MAP3K20: variants seen among roughly 807,000 people sequenced by gnomAD.
MAP3K20 encodes mitogen-activated protein kinase kinase kinase 20.
MAP3K20 carries 40 observed loss-of-function variants against 85.7 expected under a neutral mutation model. The ratio of observed to expected loss-of-function variants is 0.47; its 90% CI spans 0.36 to 0.61. The LOEUF is 0.61. Among genes scored for constraint, MAP3K20 ranks in the 20% least tolerant of loss-of-function variants. The pLI, the probability that MAP3K20 is intolerant of heterozygous loss-of-function variation, is 0.00. For synonymous variants in MAP3K20, 325 were observed against 327.7 expected, an observed-to-expected ratio of 0.99 and a Z score of 0.09; for missense variants, 817 against 961.7, an observed-to-expected ratio of 0.85 and a Z score of 1.99.
chr2:173,098,863 G>T (rs1687542814), intron 2 of MAP3K20, among the ~76,000 whole-genome samples: 2 of 152,152 alleles, frequency 1.3e-5, no homozygotes, highest in Non-Finnish European at 2.9e-5. Flanking sequence ...CATCACCTGA[G>T]AATTTGTTAG....
chr2:173,183,056 G>A (rs1472210575), intron 4 of MAP3K20, 101 bp downstream of exon 4: 5 of 943,424 alleles, frequency 5.3e-6, no homozygotes, highest in Non-Finnish European at 7.9e-6. Context: ...GTCTTTAGAT[G>A]TTCTTTTTCC....
intron 2 of MAP3K20, among the ~76,000 whole-genome samples, chr2:173,118,739 G>T (rs1256130126): frequency 2.6e-5 from 4 of 152,138 alleles, no homozygotes; most frequent in African/African-American, 9.7e-5. Flanking sequence ...ATCATGATAG[G>T]TAACCATCAT....
intron 15 of MAP3K20, 79 bp downstream of exon 15, chr2:173,238,514 C>A: frequency 7.6e-7 from 1 of 1,321,976 alleles, no homozygotes; most frequent in Non-Finnish European, 1.1e-6. Flanking sequence ...CTAAATTTGC[C>A]AATGTCAGTA....
At chr2:173,202,127 TAAA>T (rs1691086820) in intron 8 of MAP3K20, among the ~76,000 whole-genome samples, 1 of 152,208 alleles carries the variant, frequency 6.6e-6, no homozygotes, top group African/African-American at 2.4e-5. Context: ...ATTTTATATT[TAAA>T]AAAGTAAACA....
At chr2:173,089,310 C>CT (rs367944567) in intron 1 of MAP3K20, among the ~76,000 whole-genome samples, 1 of 152,028 alleles carries the variant, frequency 6.6e-6, no homozygotes, top group Admixed American at 6.6e-5. Context: ...TTCCTATGTA[C>CT]TTTTTTGGAT....
Position 173,090,795 on chromosome 2 carries a change from G to T in MAP3K20, c.-34-203G>T, listed in dbSNP as rs567449031. 461 of 1,205,796 alleles carry T rather than the reference G, an allele frequency of 3.8e-4. 1 individual carries two copies. Among genetic ancestry groups the T allele is most frequent in the Non-Finnish European group, 4.5e-4 (435 of 968,504 alleles). The allele number at this position is 1,205,796 out of a possible 1,614,324, so 74.7% of individuals were successfully genotyped here. A position where few individuals can be genotyped will look rare whatever the true frequency, so the allele number is the denominator to read the frequency against. On this transcript the variant is annotated intron_variant, in intron 1 of 19. Coordinates refer to ENST00000375213, the MANE Select transcript of MAP3K20 (RefSeq NM_016653.3). ...GTGGGCAGCTGTGTTTCAAAGTCTG[G>T]GCAGGTTGTTGTTGAATTTTGCGTG...
intron 16 of MAP3K20, among the ~76,000 whole-genome samples, chr2:173,249,322 G>A (rs929789704): frequency 6.6e-6 from 1 of 152,160 alleles, no homozygotes; most frequent in Non-Finnish European, 1.5e-5. Context: ...CAAAAATTAG[G>A]TGTTGAGAAT....
At chr2:173,150,780 G>A (rs1460946998) in intron 2 of MAP3K20, among the ~76,000 whole-genome samples, 1 of 152,106 alleles carries the variant, frequency 6.6e-6, no homozygotes, top group African/African-American at 2.4e-5. Context: ...TGGTCAGGCT[G>A]GTCTTGAACT....
chr2:173,213,081 CAG>C (rs565784154), intron 10 of MAP3K20, among the ~76,000 whole-genome samples: 1 of 151,934 alleles, frequency 6.6e-6, no homozygotes, highest in Non-Finnish European at 1.5e-5. Context: ...TATATGTACA[CAG>C]AGAAAAGTAT....
At chr2:173,262,804 G>C (rs944302276) in intron 18 of MAP3K20, among the ~76,000 whole-genome samples, 1 of 152,060 alleles carries the variant, frequency 6.6e-6, no homozygotes, top group African/African-American at 2.4e-5. Context: ...GAGGCTGGTT[G>C]GTCTTGAGGA....
At chr2:173,155,629 GA>G (rs150578806) in intron 2 of MAP3K20, among the ~76,000 whole-genome samples, 1 of 152,288 alleles carries the variant, frequency 6.6e-6, no homozygotes, top group East Asian at 1.9e-4. Context: ...AGATCTGTCA[GA>G]AAAGCTTATC....
At chr2:173,238,590 G>A (rs1288752642) in intron 15 of MAP3K20, among the ~76,000 whole-genome samples, 155 bp downstream of exon 15, 2 of 152,168 alleles carry the variant, frequency 1.3e-5, no homozygotes, top group Non-Finnish European at 2.9e-5. Context: ...CAAGGGAAGT[G>A]TATAAATTGA....
chr2:173,077,207 AAGAGCCTTCTTGCTTCCTCGACCTTC>A (rs1209315080), intron 1 of MAP3K20, among the ~76,000 whole-genome samples: 2 of 152,136 alleles, frequency 1.3e-5, no homozygotes, highest in Non-Finnish European at 2.9e-5. Flanking sequence ...GCTGTTTTGG[AAGAGCCTTCTTGCTTCCTCGACCTTC>A]GTTGAAATGA....
intron 2 of MAP3K20, among the ~76,000 whole-genome samples, chr2:173,137,883 C>T (rs1342614441): frequency 6.6e-6 from 1 of 152,204 alleles, no homozygotes; most frequent in Non-Finnish European, 1.5e-5. Context: ...AATTACCTAG[C>T]AATTTCTTTC....
Position 173,266,753 on chromosome 2 carries a change from A to T in MAP3K20, c.*3A>T. 1 of 1,445,272 alleles carries T rather than the reference A, an allele frequency of 6.9e-7. No homozygotes were observed. The highest frequency in any genetic ancestry group is 9.2e-7 in the Non-Finnish European group (1 of 1,088,208). 89.5% of individuals were successfully genotyped at this position (1,445,272 alleles called of 1,614,324 possible). A position where few individuals can be genotyped will look rare whatever the true frequency, so the allele number is the denominator to read the frequency against. ...ACCGTGGATGGAGAAACTTTTGATG[A>T]ATTGAACTACATAGCTTTTCTAAGC... On this transcript the variant is annotated 3_prime_UTR_variant, in exon 20 of 20. Coordinates refer to ENST00000375213, the MANE Select transcript of MAP3K20 (RefSeq NM_016653.3).
intron 1 of MAP3K20, among the ~76,000 whole-genome samples, chr2:173,088,369 G>A (rs1034819237): frequency 6.6e-6 from 1 of 152,238 alleles, no homozygotes; most frequent in Non-Finnish European, 1.5e-5. Flanking sequence ...GTTTGGGCAA[G>A]TATGCCATGC....
chr2:173,137,033 A>G (rs1688817105), intron 2 of MAP3K20, among the ~76,000 whole-genome samples: 1 of 152,210 alleles, frequency 6.6e-6, no homozygotes, highest in Non-Finnish European at 1.5e-5. Flanking sequence ...AGTAGCGATG[A>G]AAATTTTTGG....
chr2:173,114,382 T>A (rs1055120572), intron 2 of MAP3K20, among the ~76,000 whole-genome samples: 3 of 152,208 alleles, frequency 2.0e-5, no homozygotes, highest in Non-Finnish European at 4.4e-5. Flanking sequence ...CCATTTACAT[T>A]CATTCAATGT....
rs114951538 is a variant in MAP3K20, at chr2:173,175,641, C to G, written c.247+5749C>G. Among the ~76,000 whole-genome samples, 657 of 152,164 alleles carry G rather than the reference C, an allele frequency of 4.3e-3. 5 individuals are homozygous for G. Among genetic ancestry groups the G allele is most frequent in the Non-Finnish European group, 6.4e-3 (436 of 67,992 alleles). ...CTTAACCAAAACAAGAAAAAAATTC[C>G]AAAGAGTTCCCAGTTCTCTACTGTT... On this transcript the variant is annotated intron_variant, in intron 3 of 19. Coordinates refer to ENST00000375213, the MANE Select transcript of MAP3K20 (RefSeq NM_016653.3).
Sources: allele counts gnomAD v4.1 joint callset (sites outside exome capture counted in the v4.1 genomes callset), GRCh38; gene constraint gnomAD v4.1.1; transcripts MANE v1.5; gene names NCBI Gene and HGNC (gene_info 2026-07-23, HGNC 2026-07-21).